KIFAP3: variants seen among roughly 807,000 people sequenced by gnomAD.
KIFAP3 encodes kinesin-associated protein 3.
In KIFAP3, 68 loss-of-function variants were observed where a neutral mutation model predicts 106.5. The observed-to-expected ratio is 0.64, with a 90% CI of 0.53 to 0.78. The LOEUF is 0.78. Ranked by LOEUF, KIFAP3 falls within the 30% of genes least tolerant of loss-of-function variation. The probability of loss-of-function intolerance (pLI) is 0.00; values close to 1 mark genes in which losing one functional copy is unlikely to be tolerated. For synonymous variants in KIFAP3, 320 were observed against 311.5 expected, an observed-to-expected ratio of 1.03 and a Z score of -0.29; for missense variants, 780 against 941.8, an observed-to-expected ratio of 0.83 and a Z score of 2.25.
Position 170,074,681 on chromosome 1 carries a change from C to T in KIFAP3, c.-214G>A. 7.1e-7 allele frequency: 1 copy of T among 1,416,402 alleles called. No homozygotes were observed. The highest frequency in any genetic ancestry group is 1.5e-5 in the South Asian group (1 of 67,004). The allele number at this position is 1,416,402 out of a possible 1,614,324, so 87.7% of individuals were successfully genotyped here. On this transcript the variant is annotated 5_prime_UTR_variant, in exon 1 of 20. Transcript: ENST00000361580. ...CCAAAACACTGGAGCGGCCCAGACC[C>T]GCCCAGAGTCGCCTAAGCCGGGCCG...
At chr1:169,938,397 C>T (rs939673480) in intron 19 of KIFAP3, among the ~76,000 whole-genome samples, 3 of 151,844 alleles carry the variant, frequency 2.0e-5, no homozygotes, top group Middle Eastern at 3.2e-3. Context: ...ATACTATAAG[C>T]AGGATATATA....
At chr1:169,965,494 G>A (rs1665564516) in intron 17 of KIFAP3, among the ~76,000 whole-genome samples, 1 of 151,948 alleles carries the variant, frequency 6.6e-6, no homozygotes, top group Admixed American at 6.6e-5. Flanking sequence ...TGTTACAGAG[G>A]TAGGTAATAT....
chr1:169,989,822 C>A (rs1419234017), intron 11 of KIFAP3, among the ~76,000 whole-genome samples: 1 of 151,952 alleles, frequency 6.6e-6, no homozygotes, highest in Admixed American at 6.6e-5. Flanking sequence ...TAGCAAATCA[C>A]TTTTAGTACT....
At chr1:169,923,901 C>G (rs1351788814) in intron 19 of KIFAP3, among the ~76,000 whole-genome samples, 1 of 152,158 alleles carries the variant, frequency 6.6e-6, no homozygotes, top group Non-Finnish European at 1.5e-5. Context: ...GAATATCTGG[C>G]CTTTTTGCAG....
intron 17 of KIFAP3, among the ~76,000 whole-genome samples, chr1:169,970,806 C>A (rs921226904): frequency 2.6e-5 from 4 of 151,952 alleles, no homozygotes; most frequent in Non-Finnish European, 5.9e-5. Flanking sequence ...TTAGTGAACA[C>A]CATTTCAATG....
Position 169,971,038 on chromosome 1 carries a change from A to G in KIFAP3, c.1983+1475T>C, listed in dbSNP as rs571595189. On this transcript the variant is annotated intron_variant, in intron 17 of 19. Transcript: ENST00000361580. ...ATTTGAAATAAATTTCTATTTTATA[A>G]TAAATACATTTGTATTTTATACAAA... Among the ~76,000 whole-genome samples, 8 of 152,176 alleles carry G rather than the reference A, an allele frequency of 5.3e-5. No homozygotes were observed. The South Asian group carries it at 1.7e-3, about 31-fold the overall frequency.
intron 18 of KIFAP3, among the ~76,000 whole-genome samples, chr1:169,955,373 A>C (rs548329647): frequency 1.0e-3 from 157 of 152,330 alleles, no homozygotes; most frequent in Non-Finnish European, 1.6e-3. Flanking sequence ...TTAAAAATGT[A>C]ATTTATAATA....
intron 3 of KIFAP3, among the ~76,000 whole-genome samples, chr1:170,040,399 T>C (rs2102067052): frequency 6.6e-6 from 1 of 152,200 alleles, no homozygotes; most frequent in African/African-American, 2.4e-5. Context: ...GTAGAGAAAA[T>C]ATTGATTTGA....
chr1:169,931,708 T>C (rs1447265513), intron 19 of KIFAP3, among the ~76,000 whole-genome samples: 1 of 152,230 alleles, frequency 6.6e-6, no homozygotes, highest in Non-Finnish European at 1.5e-5. Context: ...TCAACATTTA[T>C]ATAATCTGTC....
At chr1:169,979,015 T>C (rs1010270612) in intron 15 of KIFAP3, among the ~76,000 whole-genome samples, 2 of 152,102 alleles carry the variant, frequency 1.3e-5, no homozygotes, top group African/African-American at 4.8e-5. Context: ...ATGGTTTTAA[T>C]CTTGAAAATC....
chr1:170,035,283 T>C (rs1363335474), intron 6 of KIFAP3, among the ~76,000 whole-genome samples, 171 bp downstream of exon 6: 1 of 151,866 alleles, frequency 6.6e-6, no homozygotes, highest in Non-Finnish European at 1.5e-5. Context: ...AAAGATAGAA[T>C]AACAGATAGC....
intron 17 of KIFAP3, among the ~76,000 whole-genome samples, chr1:169,969,696 G>C (rs1187773118): frequency 6.6e-6 from 1 of 151,996 alleles, no homozygotes; most frequent in Non-Finnish European, 1.5e-5. Context: ...TCTTTCACCA[G>C]AGAACCTGGT....
At position 169,954,036 on chromosome 1, in the gene KIFAP3, C is replaced by A. The variant is rs1221985548; in HGVS notation, c.2248G>T (p.Val750Phe). The A allele has an allele frequency of 8.7e-6, 14 of 1,613,142 alleles. No individual in the cohort carries two copies. The highest frequency in any genetic ancestry group is 1.0e-5 in the Non-Finnish European group (12 of 1,179,298). The change falls in exon 19 of 20, where the codon GTT (valine) becomes TTT (phenylalanine). Residue 750 changes from valine (V) to phenylalanine (F), a missense_variant. Coordinates refer to ENST00000361580, the MANE Select transcript of KIFAP3 (RefSeq NM_014970.4). Reference sequence around the variant, plus strand: ...CTGCCAGGAAATGAATGCTGCCCAACAACATCTCCATTTTGAAGGTGGTAA... The same window carrying A: ...CTGCCAGGAAATGAATGCTGCCCAAAAACATCTCCATTTTGAAGGTGGTAA... ...NDYHLQNGDV[V>F]GQHSFPGSLG... is the part of the protein sequence containing the mutation.
At chr1:170,008,412 C>A (rs1420662534) in intron 10 of KIFAP3, among the ~76,000 whole-genome samples, 1 of 151,304 alleles carries the variant, frequency 6.6e-6, no homozygotes, top group East Asian at 1.9e-4. Flanking sequence ...GGAACTTCAA[C>A]AAATTTACAA....
rs187605870 is a variant in KIFAP3 at position 169,978,571 on chromosome 1, A to G, written c.1799-388T>C. 2.7e-3 allele frequency among the ~76,000 whole-genome samples: 411 copies of G among 152,212 alleles called. 1 individual carries two copies. Among genetic ancestry groups the G allele is most frequent in the African/African-American group, 9.5e-3 (395 of 41,578 alleles). On this transcript the variant is annotated intron_variant, in intron 15 of 19. Coordinates refer to ENST00000361580, the MANE Select transcript of KIFAP3 (RefSeq NM_014970.4). ...TAAACTTTACAGATTGCATGAAATA[A>G]TAAGTAATTTAGTTTCCATCTAATT...
At position 169,984,635 on chromosome 1, in the gene KIFAP3, G is replaced by C; in HGVS notation, c.1340C>G (p.Ser447Cys). 6.2e-7 allele frequency: 1 copy of C among 1,609,236 alleles called. No individual in the cohort carries two copies. Among genetic ancestry groups the C allele is most frequent in the Non-Finnish European group, 8.5e-7 (1 of 1,176,784 alleles). The change falls in exon 12 of 20, where the codon TCT (serine) becomes TGT (cysteine). Residue 447 changes from serine to cysteine, a missense_variant. By Grantham distance (112) the Ser-to-Cys change is moderately radical. Transcript: ENST00000361580. The stretch of plus-strand genomic sequence containing the variant: ...GTTAGCAGCAAGATTAATGCAGAAA[G>C]AAATGAGTTCCAAGTCAATTCGTTC... ...SDERIDLELI[S>C]FCINLAANKR...
chr1:169,930,284 G>A (rs1382574771), intron 19 of KIFAP3, among the ~76,000 whole-genome samples: 1 of 152,142 alleles, frequency 6.6e-6, no homozygotes, highest in East Asian at 1.9e-4. Context: ...TAGAGCGCTT[G>A]TCGTGTACTG....
chr1:170,042,928 C>G (rs893639121), intron 3 of KIFAP3, among the ~76,000 whole-genome samples: 8 of 152,198 alleles, frequency 5.3e-5, no homozygotes, highest in Admixed American at 3.3e-4. Context: ...TCATTTTAGC[C>G]ATTATAGGTA....
In KIFAP3 at chr1:170,034,466, G is replaced by A. The variant is rs375677139; in HGVS notation, c.648C>T (p.His216=). 5.5e-5 allele frequency: 84 copies of A among 1,521,830 alleles called. 1 individual carries two copies. The highest frequency in any genetic ancestry group is 1.4e-5 in the Non-Finnish European group (15 of 1,103,774). The allele number at this position is 1,521,830 out of a possible 1,614,324, so 94.3% of individuals were successfully genotyped here. ...TCATACACAGAGCTCCAATTTTATA[G>A]TGAGTAATAAGTCCATGAAATTGAG... ...SFSQFHGLIT[H]YKIGALCMNI... The change falls in exon 7 of 20, where the codon CAC becomes CAT. Residue 216 remains histidine (H), a synonymous_variant. Coordinates refer to ENST00000361580, the MANE Select transcript of KIFAP3 (RefSeq NM_014970.4).
Sources: gnomAD v4.1 joint callset for allele counts (sites outside exome capture counted in the v4.1 genomes callset) on GRCh38, gnomAD v4.1.1 for gene constraint, MANE v1.5 for transcripts, NCBI Gene and HGNC (gene_info 2026-07-23, HGNC 2026-07-21) for gene names.